The following SHOX variants were observed in gnomAD, a reference collection of about 807,000 sequenced individuals.
SHOX encodes SHOX homeobox.
SHOX carries 12 observed loss-of-function variants against 29.6 expected under a neutral mutation model. The observed-to-expected ratio is 0.41, with a 90% CI of 0.26 to 0.66. The LOEUF (loss-of-function observed/expected upper bound fraction) is 0.66. Among genes scored for constraint, SHOX ranks in the 30% least tolerant of loss-of-function variants. The pLI, the probability that SHOX is intolerant of heterozygous loss-of-function variation, is 0.35. For missense variants in SHOX, 499 were observed against 437.7 expected (o/e 1.14, Z -1.25); for synonymous variants, 214 against 200.6 (o/e 1.07, Z -0.57).
chrX:649,935 T>C lies in SHOX; in HGVS notation c.*5299T>C. 2.2e-6 allele frequency: 1 copy of C among 455,992 alleles called. No individual in the cohort carries two copies. The highest frequency in any genetic ancestry group is 1.5e-5 in the South Asian group (1 of 64,562). 28.2% of individuals were successfully genotyped at this position (455,992 alleles called of 1,614,324 possible). A position where few individuals can be genotyped will look rare whatever the true frequency, so the allele number is the denominator to read the frequency against. ...TCTCTCTCTTTTCTCTCTCTCTGAC[T>C]GCGAAGCACCCACAGGGAGAAGGAA... On this transcript the variant is annotated 3_prime_UTR_variant, in exon 5 of 5. Transcript: ENST00000686671.
intron 1 of SHOX, among the ~76,000 whole-genome samples, chrX:634,408 C>T (rs1011929546): frequency 2.0e-5 from 3 of 152,166 alleles, no homozygotes; most frequent in African/African-American, 7.2e-5. Flanking sequence ...TGAGATGAGG[C>T]CAAGAAAACA....
At chrX:631,604 T>C (rs1166084962) in intron 1 of SHOX, among the ~76,000 whole-genome samples, 30 of 152,194 alleles carry the variant, frequency 2.0e-4, no homozygotes, top group Non-Finnish European at 4.0e-4. Flanking sequence ...CGATCTCGGC[T>C]CACTGCAACC....
chrX:624,909 C>CCTTTCTTTCTTTCTTT (rs201032866), intron 1 of SHOX, among the ~76,000 whole-genome samples: 1 of 38,896 alleles, frequency 2.6e-5, no homozygotes, highest in African/African-American at 5.6e-5. Flanking sequence ...TTTCTCTCTT[C>CCTTTCTTTCTTTCTTT]CTTTCTTTCT....
chrX:652,015 C>T (rs1485073699), downstream of SHOX, among the ~76,000 whole-genome samples: 6 of 152,074 alleles, frequency 3.9e-5, no homozygotes, highest in East Asian at 1.9e-4. Flanking sequence ...CTCCGCCTCC[C>T]GGGTTCAAGC....
chrX:650,807 A>AAAAAAAC lies in SHOX; in HGVS notation c.*6177_*6178insCAAAAAA, dbSNP rs2053047010. 1.6e-5 allele frequency among the ~76,000 whole-genome samples: 2 copies of AAAAAAAC among 121,218 alleles called. No individual in the cohort carries two copies. The highest frequency in any genetic ancestry group is 5.3e-5 in the African/African-American group (2 of 38,064). The allele number at this position is 121,218 out of a possible 152,430, so 79.5% of individuals were successfully genotyped here. On this transcript the variant is annotated 3_prime_UTR_variant, in exon 5 of 5. Transcript: ENST00000686671. ...CGTTTGACATTAAAAAAAAAAAAAAAAAAAAAAAAAAACTGGTGCCTAATT... is the reference window on the plus strand; with the variant it reads ...CGTTTGACATTAAAAAAAAAAAAAAAAAAAAACAAAAAAAAAAAACTGGTGCCTAATT...
At chrX:630,699 G>A (rs781552450), upstream of SHOX, 2 of 660,846 alleles carry the variant, frequency 3.0e-6, no homozygotes, top group East Asian at 2.7e-5. Context: ...CCGCCGCGGA[G>A]CCCGGAGACC....
exon 6 of SHOX, chrX:658,896 C>T: frequency 3.2e-6 from 1 of 315,220 alleles, no homozygotes; most frequent in Non-Finnish European, 6.5e-6. Context: ...TCCCGAGTAG[C>T]TGGGATTACA....
chrX:637,508 C>A (rs1238754709), intron 2 of SHOX, among the ~76,000 whole-genome samples: 3 of 151,258 alleles, frequency 2.0e-5, no homozygotes, highest in Admixed American at 6.6e-5. Context: ...AAAGACAAAT[C>A]GGGGACAAGC....
rs762401202 is a variant in SHOX at position 640,897 on chromosome X, G to C, written c.544+19G>C. ...CATAAAGGTGGGTGTCGGGACTGGG[G>C]GGACCTGAAGCTGGGGGATCCTGCT... On this transcript the variant is annotated intron_variant, in intron 3 of 4. Coordinates refer to ENST00000686671, the MANE Select transcript of SHOX (RefSeq NM_000451.4). 1.2e-6 allele frequency: 2 copies of C among 1,613,886 alleles called. No homozygotes were observed. Among genetic ancestry groups the C allele is most frequent in the East Asian group, 4.5e-5 (2 of 44,872 alleles).
chrX:640,215 T>G (rs756098681), intron 2 of SHOX, among the ~76,000 whole-genome samples: 5 of 144,736 alleles, frequency 3.5e-5, no homozygotes, highest in African/African-American at 7.7e-5. Context: ...TGTGGTGGTG[T>G]GCGCCTGTAA....
rs1375914688 is a variant in SHOX at position 640,943 on chromosome X, G to A, written c.545-56G>A. ...CTGCTCCAGGAGGGATGGGGTCGAC[G>A]AGGTGCTGGCTACACCCAGGACCAC... On this transcript the variant is annotated intron_variant, in intron 3 of 4. Coordinates refer to ENST00000686671, the MANE Select transcript of SHOX (RefSeq NM_000451.4). The A allele has an allele frequency of 9.3e-6, 15 of 1,613,284 alleles. 1 individual carries two copies. The South Asian group carries it at 1.1e-4, about 12-fold the overall frequency.
In SHOX at chrX:648,889, C is replaced by CTCCTTCCTTCCTTCCTTCCT. The variant is rs372634110; in HGVS notation, c.*4255_*4274dup. ...ACCAACGCCCTCTTCTCTCTCCCTT[C>CTCCTTCCTTCCTTCCTTCCT]TCCTTCCTTCCTTCCTTCCTTTCTT... On this transcript the variant is annotated 3_prime_UTR_variant, in exon 5 of 5. Coordinates refer to ENST00000686671, the MANE Select transcript of SHOX (RefSeq NM_000451.4). Among the ~76,000 whole-genome samples the CTCCTTCCTTCCTTCCTTCCT allele has an allele frequency of 7.0e-6, 1 of 141,852 alleles. No individual in the cohort carries two copies. The highest frequency in any genetic ancestry group is 7.2e-5 in the Admixed American group (1 of 13,896). 93.1% of individuals were successfully genotyped at this position (141,852 alleles called of 152,430 possible). A position where few individuals can be genotyped will look rare whatever the true frequency, so the allele number is the denominator to read the frequency against.
In SHOX at chrX:650,108, C is replaced by A. The variant is rs2053031883; in HGVS notation, c.*5472C>A. Reference sequence around the variant, plus strand: ...GGCCGTTGGGGTGTTGTTTCACAGGCAGTGGTGACAGGGCCCCTTGGCTGT... The same window carrying A: ...GGCCGTTGGGGTGTTGTTTCACAGGAAGTGGTGACAGGGCCCCTTGGCTGT... On this transcript the variant is annotated 3_prime_UTR_variant, in exon 5 of 5. Coordinates refer to ENST00000686671, the MANE Select transcript of SHOX (RefSeq NM_000451.4). The A allele has an allele frequency of 2.3e-6, 1 of 436,728 alleles. No homozygotes were observed. Among genetic ancestry groups the A allele is most frequent in the Admixed American group, 2.4e-5 (1 of 41,092 alleles). 27.1% of individuals were successfully genotyped at this position (436,728 alleles called of 1,614,324 possible). A position where few individuals can be genotyped will look rare whatever the true frequency, so the allele number is the denominator to read the frequency against.
chrX:637,868 G>T (rs1603286608), intron 2 of SHOX, among the ~76,000 whole-genome samples: 2 of 152,180 alleles, frequency 1.3e-5, no homozygotes, highest in Non-Finnish European at 2.9e-5. Context: ...TTGAGCATCC[G>T]ATAGAAGCTG....
intron 4 of SHOX, among the ~76,000 whole-genome samples, chrX:642,752 G>T (rs760645033): frequency 4.0e-5 from 6 of 151,734 alleles, no homozygotes; most frequent in Non-Finnish European, 8.8e-5. Context: ...CCCGGGAGAG[G>T]CTTGGGGACC....
intron 1 of SHOX, among the ~76,000 whole-genome samples, chrX:625,189 C>T (rs752257923): frequency 7.9e-6 from 1 of 126,238 alleles, no homozygotes; most frequent in African/African-American, 3.1e-5. Context: ...TTCATCGTCC[C>T]TCCTCCTCCT....
chrX:634,854 G>A (rs1359253591), intron 2 of SHOX, 28 bp downstream of exon 2: 12 of 1,545,558 alleles, frequency 7.8e-6, no homozygotes, highest in Admixed American at 5.9e-5. Flanking sequence ...GGGGCGGGGG[G>A]CCCGGAGCCA....
upstream of SHOX, among the ~76,000 whole-genome samples, chrX:625,859 TG>T (rs1342873454): frequency 1.5e-5 from 2 of 135,180 alleles, no homozygotes; most frequent in East Asian, 4.1e-4. Flanking sequence ...TCTGTATCTC[TG>T]TCTATCTCTG....
rs1750027441 is a variant in SHOX at position 651,159 on chromosome X, G to A, written c.*6523G>A. The A allele has an allele frequency of 5.2e-6, 2 of 384,824 alleles. No individual in the cohort carries two copies. Among genetic ancestry groups the A allele is most frequent in the Non-Finnish European group, 1.0e-5 (2 of 192,894 alleles). 23.8% of individuals were successfully genotyped at this position (384,824 alleles called of 1,614,324 possible). The stretch of plus-strand genomic sequence containing the variant: ...AAATATGTACTATTTTAATTATGTC[G>A]AGTGTAAATTTGACATCGCGTTGCA... On this transcript the variant is annotated 3_prime_UTR_variant, in exon 5 of 5. Transcript: ENST00000686671.
Sources: gnomAD v4.1 joint callset for allele counts (sites outside exome capture counted in the v4.1 genomes callset) on GRCh38, gnomAD v4.1.1 for gene constraint, MANE v1.5 for transcripts, NCBI Gene and HGNC (gene_info 2026-07-23, HGNC 2026-07-21) for gene names.